The following P4HA3 variants were observed in gnomAD, a reference collection of about 807,000 sequenced individuals.
P4HA3 encodes prolyl 4-hydroxylase subunit alpha 3.
P4HA3 carries 60 observed loss-of-function variants against 66.7 expected under a neutral mutation model. That is an observed-to-expected ratio of 0.90 (90% CI 0.73 to 1.12). The LOEUF (loss-of-function observed/expected upper bound fraction) is 1.12, where lower values mean the gene tolerates loss of function less well. Ranked by LOEUF, P4HA3 falls within the 50% of genes most tolerant of loss-of-function variation. P4HA3 has a pLI of 0.00. For synonymous variants in P4HA3, 263 were observed against 274.6 expected, an observed-to-expected ratio of 0.96 and a Z score of 0.42; for missense variants, 683 against 685.8, an observed-to-expected ratio of 1.00 and a Z score of 0.05.
At position 74,308,875 on chromosome 11, in the gene P4HA3, C is replaced by G. The variant is rs140323615; in HGVS notation, c.200+2537G>C. Among the ~76,000 whole-genome samples the G allele has an allele frequency of 4.6e-5, 7 of 152,206 alleles. 1 individual carries two copies. The East Asian group carries it at 1.3e-3, about 29-fold the overall frequency. ...TGGTACTCTTAATCCTTCCAAAAACCCTATGGTGGTAGGTACTATTTTTAT... is the reference window on the plus strand; with the variant it reads ...TGGTACTCTTAATCCTTCCAAAAACGCTATGGTGGTAGGTACTATTTTTAT... On this transcript the variant is annotated intron_variant, in intron 1 of 12. Transcript: ENST00000331597.
Position 74,269,705 on chromosome 11 carries a change from C to T in P4HA3, c.1414G>A (p.Ala472Thr). 6.2e-7 allele frequency: 1 copy of T among 1,613,990 alleles called. No individual in the cohort carries two copies. The highest frequency in any genetic ancestry group is 8.5e-7 in the Non-Finnish European group (1 of 1,179,904). ...TAGATGAAGGCTGTGGCTCCTCCAGCTTCCACCGAGCTCAGCTACAAGACC... is the reference window on the plus strand; with the variant it reads ...TAGATGAAGGCTGTGGCTCCTCCAGTTTCCACCGAGCTCAGCTACAAGACC... Reference protein sequence around the residue: ...TFMIYLSSVEAGGATAFIYAN... With the variant: ...TFMIYLSSVETGGATAFIYAN... Residue 472 changes from alanine to threonine, a missense_variant, in exon 11 of 13, where the codon GCT (alanine) becomes ACT (threonine). Ala to Thr is a moderately conservative substitution (Grantham distance 58). Transcript: ENST00000331597.
chr11:74,263,403 T>C (rs1859940720), downstream of P4HA3, among the ~76,000 whole-genome samples: 2 of 152,214 alleles, frequency 1.3e-5, no homozygotes, highest in South Asian at 4.1e-4. Flanking sequence ...TGCCCTAAAA[T>C]TATTGGCTCC....
At chr11:74,298,479 T>G in intron 3 of P4HA3, 118 bp from the exon 4 acceptor site, 2 of 1,197,134 alleles carry the variant, frequency 1.7e-6, no homozygotes, top group Non-Finnish European at 2.3e-6. Context: ...AATTTCAAAT[T>G]CATTTTAATT....
chr11:74,302,537 A>C lies in P4HA3; in HGVS notation c.399T>G (p.Leu133=), dbSNP rs199677298. 40 of 1,614,060 alleles carry C rather than the reference A, an allele frequency of 2.5e-5. No individual in the cohort carries two copies. Among genetic ancestry groups the C allele is most frequent in the Non-Finnish European group, 3.1e-5 (37 of 1,180,036 alleles). ...GCATCAGGGCCCTTGCTGCTCCCTCAAGGTCCTCAAAGGCTGGAAGGTCTT... is the reference window on the plus strand; with the variant it reads ...GCATCAGGGCCCTTGCTGCTCCCTCCAGGTCCTCAAAGGCTGGAAGGTCTT... ...VEQDLPAFED[L]EGAARALMRL... Residue 133 remains leucine (L), a synonymous_variant, in exon 3 of 13, where the codon CTT becomes CTG. Coordinates refer to ENST00000331597, the MANE Select transcript of P4HA3 (RefSeq NM_182904.5).
chr11:74,309,493 C>G (rs1234868589), intron 1 of P4HA3, among the ~76,000 whole-genome samples: 2 of 152,176 alleles, frequency 1.3e-5, no homozygotes, highest in Non-Finnish European at 2.9e-5. Flanking sequence ...CCACTCCCGT[C>G]TCCATCTGAG....
chr11:74,284,410 C>T (rs1194545016), intron 7 of P4HA3, among the ~76,000 whole-genome samples: 2 of 152,186 alleles, frequency 1.3e-5, no homozygotes, highest in African/African-American at 4.8e-5. Context: ...TGCCATTTGT[C>T]TTTTTCCTCT....
intron 9 of P4HA3, among the ~76,000 whole-genome samples, chr11:74,276,600 A>C (rs1591098790): frequency 6.6e-6 from 1 of 152,104 alleles, no homozygotes; most frequent in African/African-American, 2.4e-5. Flanking sequence ...AAAAACAAGC[A>C]CATGTACCCC....
chr11:74,291,122 G>A (rs1246681324), intron 4 of P4HA3, among the ~76,000 whole-genome samples: 1 of 151,998 alleles, frequency 6.6e-6, no homozygotes, highest in African/African-American at 2.4e-5. Context: ...TTATTTCCTT[G>A]AGCAGTGGTT....
chr11:74,301,084 G>C (rs894051706), intron 3 of P4HA3, among the ~76,000 whole-genome samples: 1 of 152,156 alleles, frequency 6.6e-6, no homozygotes, highest in African/African-American at 2.4e-5. Flanking sequence ...CAGAAGGGAT[G>C]GGGGGTGGCG....
At chr11:74,304,903 G>A (rs534600001) in intron 1 of P4HA3, among the ~76,000 whole-genome samples, 8 of 152,162 alleles carry the variant, frequency 5.3e-5, no homozygotes, top group African/African-American at 1.9e-4. Flanking sequence ...GGATGGTTTC[G>A]GGATGAAACT....
At chr11:74,274,762 T>G (rs1860338102) in intron 9 of P4HA3, among the ~76,000 whole-genome samples, 1 of 152,238 alleles carries the variant, frequency 6.6e-6, no homozygotes, top group Admixed American at 6.5e-5. Context: ...TAAGAAACCA[T>G]CAAACTTTTT....
chr11:74,268,009 C>A, intron 12 of P4HA3, 136 bp downstream of exon 12: 2 of 760,960 alleles, frequency 2.6e-6, no homozygotes, highest in Non-Finnish European at 4.3e-6. Flanking sequence ...CATTCATAAT[C>A]TGATCTTCTC....
chr11:74,253,623 C>A, intron 15 of P4HA3: 1 of 1,233,232 alleles, frequency 8.1e-7, no homozygotes, highest in Non-Finnish European at 1.2e-6. Flanking sequence ...GTGACACTGG[C>A]TCCCGGTAGA....
Position 74,268,145 on chromosome 11 carries a change from C to A in P4HA3, c.1564G>T (p.Val522Leu), listed in dbSNP as rs1379022767. Reference protein sequence around the residue: ...GCPVLVGDKWVANKWIHEYGQ... With the variant: ...GCPVLVGDKWLANKWIHEYGQ... ...TCATGCCCAGAAAGGCAAGACTTAC[C>A]CCACTTATCTCCCACCAGGACAGGA... Residue 522 changes from valine (V) to leucine (L), a missense_variant and splice_region_variant, in exon 12 of 13, where the codon GTG becomes TTG. Coordinates refer to ENST00000331597, the MANE Select transcript of P4HA3 (RefSeq NM_182904.5). 3.1e-6 allele frequency: 5 copies of A among 1,613,272 alleles called. No homozygotes were observed. The highest frequency in any genetic ancestry group is 4.2e-6 in the Non-Finnish European group (5 of 1,179,318).
intron 10 of P4HA3, 24 bp downstream of exon 10, chr11:74,273,521 T>G: frequency 1.4e-6 from 2 of 1,481,420 alleles, no homozygotes; most frequent in Non-Finnish European, 1.8e-6. Context: ...AGTCATGAAG[T>G]AAGAAGCCCA....
At chr11:74,296,753 A>C (rs1253878569) in intron 4 of P4HA3, among the ~76,000 whole-genome samples, 3 of 152,132 alleles carry the variant, frequency 2.0e-5, no homozygotes, top group Non-Finnish European at 4.4e-5. Context: ...CTTTCAGGGT[A>C]AGCTGCTTTA....
intron 15 of P4HA3, chr11:74,253,929 G>T: frequency 4.0e-6 from 1 of 250,574 alleles, no homozygotes. Flanking sequence ...TGCCTCATGG[G>T]ATGGACAATG....
chr11:74,288,032 A>C (rs904886620), intron 5 of P4HA3, among the ~76,000 whole-genome samples: 12 of 152,182 alleles, frequency 7.9e-5, no homozygotes, highest in South Asian at 2.1e-4. Context: ...CAAAACCAAC[A>C]AACAAACAAA....
In P4HA3 at chr11:74,285,936, G is replaced by C. The variant is rs779616121; in HGVS notation, c.983C>G (p.Ser328Cys). ...PSLYCSYETN[S>C]NAYLLLQPIR... ...GGGCTGGAGCAGCAGGTAGGCGTTGGAATTGGTCTCATAGGAACAGTAGAG... is the reference window on the plus strand; with the variant it reads ...GGGCTGGAGCAGCAGGTAGGCGTTGCAATTGGTCTCATAGGAACAGTAGAG... Residue 328 changes from serine to cysteine, a missense_variant, in exon 7 of 13, where the codon TCC becomes TGC. By Grantham distance (112) the Ser-to-Cys change is moderately radical. Coordinates refer to ENST00000331597, the MANE Select transcript of P4HA3 (RefSeq NM_182904.5). 2.5e-6 allele frequency: 4 copies of C among 1,611,450 alleles called. No individual in the cohort carries two copies. The highest frequency in any genetic ancestry group is 1.7e-6 in the Non-Finnish European group (2 of 1,177,698).
Sources: allele counts gnomAD v4.1 joint callset (sites outside exome capture counted in the v4.1 genomes callset), GRCh38; gene constraint gnomAD v4.1.1; transcripts MANE v1.5; gene names NCBI Gene and HGNC (gene_info 2026-07-23, HGNC 2026-07-21).